NAV2: variants seen among roughly 807,000 people sequenced by gnomAD.
NAV2 encodes the protein helicase, APC down-regulated 1.
Under a neutral mutation model 223.2 loss-of-function variants are expected in NAV2, and 54 were observed. That is an observed-to-expected ratio of 0.24 (90% CI 0.19 to 0.30). NAV2 has a LOEUF of 0.30. NAV2 is among the 10% of genes least tolerant of loss of function. NAV2 has a pLI of 1.00. For missense variants in NAV2, 2,806 were observed against 3,147.5 expected (o/e 0.89, Z 2.60); for synonymous variants, 1,279 against 1,239.3 (o/e 1.03, Z -0.67).
At chr11:19,888,180 C>T (rs115134881) in intron 5 of NAV2, among the ~76,000 whole-genome samples, 75 of 152,236 alleles carry the variant, frequency 4.9e-4, no homozygotes, top group African/African-American at 1.7e-3. Context: ...TCAAAGGACC[C>T]GTCTGTGTTC....
At chr11:19,852,787 A>C (rs1345655229) in intron 3 of NAV2, among the ~76,000 whole-genome samples, 1 of 152,224 alleles carries the variant, frequency 6.6e-6, no homozygotes, top group Non-Finnish European at 1.5e-5. Context: ...GGTATGTTAG[A>C]AGTGCTCAGC....
intron 1 of NAV2, among the ~76,000 whole-genome samples, chr11:19,641,242 T>C (rs2135560467): frequency 6.6e-6 from 1 of 152,316 alleles, no homozygotes; most frequent in South Asian, 2.1e-4. Context: ...TTTGACTTTG[T>C]AATAATATTG....
At chr11:19,569,519 A>G (rs182956706) in intron 1 of NAV2, among the ~76,000 whole-genome samples, 4 of 152,238 alleles carry the variant, frequency 2.6e-5, no homozygotes, top group South Asian at 2.1e-4. Flanking sequence ...CCTAATATCC[A>G]TCTCGGTCTG....
chr11:19,954,911 A>ATGTG (rs369623265), intron 10 of NAV2, among the ~76,000 whole-genome samples: 1 of 33,000 alleles, frequency 3.0e-5, no homozygotes, highest in Non-Finnish European at 1.2e-4. Flanking sequence ...ATATGTGTAT[A>ATGTG]TATGTGTGTG....
rs756916390 is a variant in NAV2, at chr11:20,080,093, C to T, written c.5209C>T (p.Arg1737Cys). 49 of 1,613,974 alleles carry T rather than the reference C, an allele frequency of 3.0e-5. No individual in the cohort carries two copies. The highest frequency in any genetic ancestry group is 1.2e-4 in the African/African-American group (9 of 74,928). The part of the protein sequence containing the change: ...GNGTAQSADL[R>C]IRRQHSSDSV... The stretch of plus-strand genomic sequence containing the variant: ...CGGCACTGCCCAGTCTGCAGACCTC[C>T]GCATCCGCAGGCAGCACTCCTCAGA... Residue 1737 changes from arginine (R) to cysteine (C), a missense_variant, in exon 25 of 38, where the codon CGC (arginine) becomes TGC (cysteine). Around this residue, in one of 4 missense-constraint regions of NAV2, gnomAD observed 824 missense variants for 1,069.4 expected, o/e 0.77. Coordinates refer to ENST00000349880, the MANE Select transcript of NAV2 (RefSeq NM_145117.5).
At chr11:19,539,912 C>T (rs148282829) in intron 1 of NAV2, among the ~76,000 whole-genome samples, 1 of 152,310 alleles carries the variant, frequency 6.6e-6, no homozygotes, top group Non-Finnish European at 1.5e-5. Flanking sequence ...GGGGGACCCA[C>T]TGCTTCCCCA....
At chr11:19,604,254 A>G (rs1412301769) in intron 1 of NAV2, among the ~76,000 whole-genome samples, 1 of 152,102 alleles carries the variant, frequency 6.6e-6, no homozygotes, top group African/African-American at 2.4e-5. Context: ...TGAGGGTAGG[A>G]GGAGGCTACT....
At chr11:19,445,840 C>T (rs1450521657) in intron 1 of NAV2, among the ~76,000 whole-genome samples, 1 of 150,514 alleles carries the variant, frequency 6.6e-6, no homozygotes, top group Non-Finnish European at 1.5e-5. Flanking sequence ...CTAAACAGAG[C>T]AACCATATCA....
At chr11:19,624,073 C>T (rs1473291918) in intron 1 of NAV2, among the ~76,000 whole-genome samples, 1 of 152,202 alleles carries the variant, frequency 6.6e-6, no homozygotes, top group Non-Finnish European at 1.5e-5. Context: ...GCGGAGGCTG[C>T]AGAACAGCGA....
At chr11:19,875,085 A>G (rs2062756470) in intron 4 of NAV2, among the ~76,000 whole-genome samples, 1 of 152,198 alleles carries the variant, frequency 6.6e-6, no homozygotes, top group Admixed American at 6.5e-5. Context: ...TGAATCCAGG[A>G]GGCAGAGGTT....
chr11:19,456,295 A>G (rs1391597187), intron 1 of NAV2, among the ~76,000 whole-genome samples: 1 of 152,234 alleles, frequency 6.6e-6, no homozygotes, highest in African/African-American at 2.4e-5. Context: ...GACTGTGGGC[A>G]GGTGCCATGA....
chr11:20,085,297 C>T (rs2060364930), intron 26 of NAV2, among the ~76,000 whole-genome samples: 1 of 152,094 alleles, frequency 6.6e-6, no homozygotes, highest in African/African-American at 2.4e-5. Flanking sequence ...AACTTTCACT[C>T]TGAAGGCCCC....
chr11:19,408,865 C>T (rs1850019091), intron 1 of NAV2, among the ~76,000 whole-genome samples: 1 of 152,026 alleles, frequency 6.6e-6, no homozygotes, highest in South Asian at 2.1e-4. Flanking sequence ...AGCCCTCCTG[C>T]CCCCGAGAAC....
At chr11:19,948,479 T>G (rs2047117030) in intron 9 of NAV2, among the ~76,000 whole-genome samples, 1 of 152,256 alleles carries the variant, frequency 6.6e-6, no homozygotes, top group African/African-American at 2.4e-5. Context: ...GCAGGGAAAG[T>G]CTCCGGTAGG....
chr11:19,542,898 C>G (rs2044378557), intron 1 of NAV2, among the ~76,000 whole-genome samples: 1 of 152,230 alleles, frequency 6.6e-6, no homozygotes, highest in African/African-American at 2.4e-5. Context: ...TCCTGGGTAC[C>G]TCTCCTGCCA....
intron 6 of NAV2, among the ~76,000 whole-genome samples, chr11:19,893,123 T>C (rs767339650): frequency 1.4e-5 from 2 of 142,164 alleles, no homozygotes; most frequent in Non-Finnish European, 3.0e-5. Context: ...GATGTAACTT[T>C]TGCCATAAAA....
chr11:20,109,976 G>T (rs1310424015), intron 36 of NAV2, among the ~76,000 whole-genome samples: 1 of 152,256 alleles, frequency 6.6e-6, no homozygotes, highest in Non-Finnish European at 1.5e-5. Context: ...GAACCTAAAG[G>T]AAGGCTTTCT....
intron 1 of NAV2, among the ~76,000 whole-genome samples, chr11:19,821,001 G>A (rs375512573): frequency 3.9e-5 from 6 of 152,196 alleles, no homozygotes; most frequent in African/African-American, 1.4e-4. Context: ...AGTGGCTCAC[G>A]CCTGTAATCC....
chr11:19,828,367 C>A (rs192170736), intron 1 of NAV2, among the ~76,000 whole-genome samples: 12 of 152,346 alleles, frequency 7.9e-5, no homozygotes, highest in African/African-American at 2.9e-4. Flanking sequence ...TGCCCAGACC[C>A]TTTTAACCCC....
Sources: allele counts gnomAD v4.1 joint callset (sites outside exome capture counted in the v4.1 genomes callset), GRCh38; gene constraint gnomAD v4.1.1; regional missense constraint gnomAD v4.1.1; transcripts MANE v1.5; gene names NCBI Gene and HGNC (gene_info 2026-07-23, HGNC 2026-07-21).